Variants in NUDCD3 observed in about 807,000 individuals in gnomAD.
NUDCD3 encodes nudC domain-containing protein 3.
NUDCD3 carries 13 observed loss-of-function variants against 39.7 expected under a neutral mutation model. The observed-to-expected ratio is 0.33, with a 90% CI of 0.21 to 0.52. The LOEUF is 0.52. Ranked by LOEUF, NUDCD3 falls within the 20% of genes least tolerant of loss-of-function variation. The pLI is 0.96. For synonymous variants in NUDCD3, 175 were observed against 172.4 expected, an observed-to-expected ratio of 1.02 and a Z score of -0.12; for missense variants, 453 against 458.1, an observed-to-expected ratio of 0.99 and a Z score of 0.10.
intron 3 of NUDCD3, among the ~76,000 whole-genome samples, chr7:44,421,931 A>C (rs1039177239): frequency 6.6e-6 from 1 of 152,222 alleles, no homozygotes; most frequent in Admixed American, 6.5e-5. Flanking sequence ...AAATCATAAC[A>C]AACAGTCTCT....
intron 2 of NUDCD3, among the ~76,000 whole-genome samples, chr7:44,482,987 A>T (rs1800524831): frequency 6.6e-6 from 1 of 152,158 alleles, no homozygotes; most frequent in Admixed American, 6.5e-5. Context: ...TTAGACACCA[A>T]AGGAGAAAAG....
intron 2 of NUDCD3, chr7:44,467,782 C>A (rs1043698955): frequency 1.4e-6 from 1 of 702,890 alleles, no homozygotes; most frequent in African/African-American, 1.8e-5. Flanking sequence ...ATTGTTATCA[C>A]CCTATTGTAT....
intron 2 of NUDCD3, among the ~76,000 whole-genome samples, chr7:44,465,096 GC>G (rs1457721718): frequency 1.3e-5 from 2 of 152,200 alleles, no homozygotes; most frequent in African/African-American, 4.8e-5. Context: ...TCCGCCCTGT[GC>G]CCTAGACCCC....
At chr7:44,481,724 T>C (rs1291718389) in intron 2 of NUDCD3, among the ~76,000 whole-genome samples, 4 of 152,234 alleles carry the variant, frequency 2.6e-5, no homozygotes, top group African/African-American at 4.8e-5. Flanking sequence ...TTGGAATAAA[T>C]AGAACTGAAG....
intron 2 of NUDCD3, among the ~76,000 whole-genome samples, chr7:44,434,148 T>C (rs1799422042): frequency 6.6e-6 from 1 of 152,182 alleles, no homozygotes; most frequent in Admixed American, 6.5e-5. Context: ...TTCTCGGTTT[T>C]ATCTTCCTAG....
chr7:44,461,765 T>G (rs1443343417), intron 2 of NUDCD3, among the ~76,000 whole-genome samples: 1 of 152,076 alleles, frequency 6.6e-6, no homozygotes, highest in Non-Finnish European at 1.5e-5. Context: ...TAACCCAGAC[T>G]GTGTGAAAGC....
chr7:44,456,063 C>G (rs868849101), intron 2 of NUDCD3, among the ~76,000 whole-genome samples: 2 of 119,184 alleles, frequency 1.7e-5, no homozygotes, highest in Non-Finnish European at 3.6e-5. Flanking sequence ...AAAAAACAAA[C>G]AACAATAACA....
intron 4 of NUDCD3, among the ~76,000 whole-genome samples, chr7:44,396,790 A>G (rs950007009): frequency 1.3e-5 from 2 of 152,132 alleles, no homozygotes; most frequent in Non-Finnish European, 2.9e-5. Flanking sequence ...AAACCACTGA[A>G]TGGTACAGAG....
intron 3 of NUDCD3, among the ~76,000 whole-genome samples, chr7:44,413,502 TAG>T (rs1483942656): frequency 6.6e-6 from 1 of 152,110 alleles, no homozygotes; most frequent in East Asian, 1.9e-4. Flanking sequence ...AGCAACCTAA[TAG>T]AAAATGGGCA....
intron 4 of NUDCD3, 127 bp from the exon 5 acceptor site, chr7:44,392,612 G>A (rs549304929): frequency 2.6e-6 from 2 of 772,808 alleles, no homozygotes; most frequent in African/African-American, 1.7e-5. Context: ...ACAAAGGGAG[G>A]TGACAGACAA....
At position 44,383,125 on chromosome 7, in the gene NUDCD3, G is replaced by GC. The variant is rs926529609; in HGVS notation, c.*2885dup. ...AGTCAAAGATCTGACTGAGGAAGAA[G>GC]CAGGTGGCCAGCCACCTGGGAGACT... On this transcript the variant is annotated 3_prime_UTR_variant, in exon 6 of 6. Coordinates refer to ENST00000355451, the MANE Select transcript of NUDCD3 (RefSeq NM_015332.4). The GC allele has an allele frequency of 4.6e-5, 7 of 152,344 alleles. No individual in the cohort carries two copies. Among genetic ancestry groups the GC allele is most frequent in the African/African-American group, 1.7e-4 (7 of 41,456 alleles). 9.4% of individuals were successfully genotyped at this position (152,344 alleles called of 1,614,324 possible).
intron 2 of NUDCD3, 105 bp downstream of exon 2, chr7:44,484,863 T>A (rs548611453): frequency 1.2e-6 from 1 of 850,572 alleles, no homozygotes; most frequent in Non-Finnish European, 1.8e-6. Context: ...AAATAAATAC[T>A]GAGATCAAGA....
At chr7:44,455,443 C>T (rs530575916) in intron 2 of NUDCD3, among the ~76,000 whole-genome samples, 3 of 152,230 alleles carry the variant, frequency 2.0e-5, no homozygotes, top group Admixed American at 2.0e-4. Flanking sequence ...CTCACTGCAT[C>T]CTCCCAGCCA....
At chr7:44,386,601 T>C (rs1563161685) in intron 5 of NUDCD3, among the ~76,000 whole-genome samples, 1 of 152,158 alleles carries the variant, frequency 6.6e-6, no homozygotes, top group African/African-American at 2.4e-5. Context: ...AGCACCCCAG[T>C]TATCAGCATC....
intron 1 of NUDCD3, among the ~76,000 whole-genome samples, chr7:44,485,884 G>A (rs1800600250): frequency 6.6e-6 from 1 of 152,122 alleles, no homozygotes; most frequent in South Asian, 2.1e-4. Flanking sequence ...ACATTTTCTG[G>A]GAAACAGTCA....
intron 2 of NUDCD3, among the ~76,000 whole-genome samples, chr7:44,458,669 A>G (rs1435489258): frequency 1.3e-5 from 2 of 151,924 alleles, no homozygotes; most frequent in Admixed American, 6.6e-5. Context: ...GGGGGAAAAA[A>G]AAAGTTCTGG....
intron 3 of NUDCD3, among the ~76,000 whole-genome samples, chr7:44,410,365 T>C (rs1453855012): frequency 6.6e-6 from 1 of 152,114 alleles, no homozygotes; most frequent in African/African-American, 2.4e-5. Flanking sequence ...TGGAACAGAA[T>C]TAAAAGTCTA....
intron 2 of NUDCD3, among the ~76,000 whole-genome samples, chr7:44,471,286 A>G (rs1468219986): frequency 6.6e-6 from 1 of 152,276 alleles, no homozygotes; most frequent in Non-Finnish European, 1.5e-5. Context: ...TAGTTAATAC[A>G]ATGAAAATGC....
chr7:44,452,032 C>T (rs533737803), intron 2 of NUDCD3, among the ~76,000 whole-genome samples: 2 of 152,276 alleles, frequency 1.3e-5, no homozygotes, highest in Admixed American at 6.5e-5. Flanking sequence ...AATGTCCTCC[C>T]TGTGCTACGA....
Sources: gnomAD v4.1 joint callset for allele counts (sites outside exome capture counted in the v4.1 genomes callset) on GRCh38, gnomAD v4.1.1 for gene constraint, MANE v1.5 for transcripts, NCBI Gene and HGNC (gene_info 2026-07-23, HGNC 2026-07-21) for gene names.